TRIOBP: variants seen among roughly 807,000 people sequenced by gnomAD.
The protein encoded by TRIOBP is TRIO and F-actin-binding protein.
TRIOBP carries 169 observed loss-of-function variants against 238.8 expected under a neutral mutation model. The ratio of observed to expected loss-of-function variants is 0.71; its 90% CI spans 0.62 to 0.80. The LOEUF (loss-of-function observed/expected upper bound fraction) is 0.80, where lower values mean the gene tolerates loss of function less well. Ranked by LOEUF, TRIOBP falls within the 30% of genes least tolerant of loss-of-function variation. TRIOBP has a pLI of 0.00. For synonymous variants in TRIOBP, 1,150 were observed against 1,274.4 expected (o/e 0.90, Z 2.08); for missense variants, 2,838 against 3,122.6 (o/e 0.91, Z 2.17).
Position 37,723,159 on chromosome 22 carries a change from C to T in TRIOBP, c.629-26C>T, listed in dbSNP as rs142133988. On this transcript the variant is annotated intron_variant, in intron 6 of 23. Transcript: ENST00000644935. ...GAGCTGCCTGGACCTCTCCCCTTACCTTGAGCCCCTCTCTTCTCTCTCCAG... is the reference window on the plus strand; with the variant it reads ...GAGCTGCCTGGACCTCTCCCCTTACTTTGAGCCCCTCTCTTCTCTCTCCAG... The T allele has an allele frequency of 6.6e-4, 1,064 of 1,612,988 alleles. 9 individuals carry two copies. In the East Asian group the frequency reaches 0.021, roughly 32 times the overall value.
At chr22:37,710,165 A>G (rs1459782660) in intron 3 of TRIOBP, among the ~76,000 whole-genome samples, 1 of 152,252 alleles carries the variant, frequency 6.6e-6, no homozygotes, top group African/African-American at 2.4e-5. Context: ...TGTGCCCCCA[A>G]TACCAGGCCT....
intron 22 of TRIOBP, chr22:37,771,989 T>G (rs971939173): frequency 3.0e-5 from 17 of 575,402 alleles, no homozygotes; most frequent in Non-Finnish European, 5.5e-5. Flanking sequence ...TGATTATTAT[T>G]GAGCACCTAC....
At chr22:37,698,186 C>A (rs1308825145) in intron 2 of TRIOBP, among the ~76,000 whole-genome samples, 4 of 122,002 alleles carry the variant, frequency 3.3e-5, no homozygotes, top group South Asian at 2.9e-4. Context: ...GGTGATAGAC[C>A]GAGATTCTGT....
Position 37,775,463 on chromosome 22 carries a change from A to C in TRIOBP, c.*1683A>C, listed in dbSNP as rs898842065. The C allele has an allele frequency of 5.3e-5, 8 of 152,212 alleles. No individual in the cohort carries two copies. The highest frequency in any genetic ancestry group is 1.9e-4 in the African/African-American group (8 of 41,438). 9.4% of individuals were successfully genotyped at this position (152,212 alleles called of 1,614,324 possible). ...TCTTGGGAGTGGGGTGGAGGAGGTCATCTGGGAAGGGTGTCCTTGGTCTTA... is the reference window on the plus strand; with the variant it reads ...TCTTGGGAGTGGGGTGGAGGAGGTCCTCTGGGAAGGGTGTCCTTGGTCTTA... On this transcript the variant is annotated 3_prime_UTR_variant, in exon 24 of 24. Transcript: ENST00000644935.
At chr22:37,699,344 C>T (rs1450242268) in intron 2 of TRIOBP, among the ~76,000 whole-genome samples, 1 of 151,996 alleles carries the variant, frequency 6.6e-6, no homozygotes, top group Non-Finnish European at 1.5e-5. Context: ...CAGTATGATC[C>T]AGTGCTCCTC....
chr22:37,757,957 G>A lies in TRIOBP; in HGVS notation c.6032G>A (p.Gly2011Asp). ...GGTGAGGGGCCGCGCCGGGGCCTGGGTGCCCCCCTGACTGAGGACCAGCAA... is the reference window on the plus strand; with the variant it reads ...GGTGAGGGGCCGCGCCGGGGCCTGGATGCCCCCCTGACTGAGGACCAGCAA... ...PAGEGPRRGL[G>D]APLTEDQQNR... is the part of the protein sequence containing the mutation. Residue 2011 changes from glycine (G) to aspartate (D), a missense_variant, in exon 16 of 24, where the codon GGT becomes GAT. Transcript: ENST00000644935. 6.4e-7 allele frequency: 1 copy of A among 1,568,242 alleles called. No homozygotes were observed. Among genetic ancestry groups the A allele is most frequent in the Non-Finnish European group, 8.6e-7 (1 of 1,157,440 alleles).
At chr22:37,706,546 T>C (rs1301990557) in intron 3 of TRIOBP, among the ~76,000 whole-genome samples, 3 of 152,062 alleles carry the variant, frequency 2.0e-5, no homozygotes, top group Admixed American at 6.6e-5. Context: ...ATCACAGCAC[T>C]TTAGGAGGCT....
intron 19 of TRIOBP, 73 bp downstream of exon 19, chr22:37,768,249 C>A (rs1926599410): frequency 1.6e-6 from 2 of 1,248,024 alleles, no homozygotes; most frequent in Admixed American, 3.9e-5. Context: ...GGCCCCTTGG[C>A]AGCGGACACA....
At chr22:37,704,399 GAACA>G (rs1569031497) in intron 3 of TRIOBP, among the ~76,000 whole-genome samples, 60 of 16,516 alleles carry the variant, frequency 3.6e-3, no homozygotes, top group Non-Finnish European at 3.1e-3. Flanking sequence ...GAACAGAACA[GAACA>G]GAACAGAACA....
At chr22:37,721,024 A>ATTTTTTT (rs11312598) in intron 6 of TRIOBP, among the ~76,000 whole-genome samples, 2 of 133,334 alleles carry the variant, frequency 1.5e-5, no homozygotes. Flanking sequence ...CATCCGGCTA[A>ATTTTTTT]TTTTTTTTTT....
intron 15 of TRIOBP, 144 bp downstream of exon 15, chr22:37,755,803 C>G: frequency 1.4e-6 from 1 of 733,998 alleles, no homozygotes; most frequent in Non-Finnish European, 2.5e-6. Context: ...AGTGAGCATT[C>G]TCGGTATCAT....
At chr22:37,759,676 G>C in intron 17 of TRIOBP, 1 of 1,521,728 alleles carries the variant, frequency 6.6e-7, no homozygotes, top group East Asian at 2.5e-5. Context: ...ACTGGGCCAA[G>C]GCCCCACACA....
At position 37,726,516 on chromosome 22, in the gene TRIOBP, G is replaced by GTGGGGTCAGCCAGGTGGGC; in HGVS notation, c.3947+19_3947+37dup. The GTGGGGTCAGCCAGGTGGGC allele has an allele frequency of 6.8e-7, 1 of 1,472,702 alleles. No individual in the cohort carries two copies. The highest frequency in any genetic ancestry group is 8.9e-7 in the Non-Finnish European group (1 of 1,117,986). The allele number at this position is 1,472,702 out of a possible 1,614,324, so 91.2% of individuals were successfully genotyped here. The stretch of plus-strand genomic sequence containing the variant: ...GGCAAGAGCGCAGGTGAGCCCGGGG[G>GTGGGGTCAGCCAGGTGGGC]TGGGGTCAGCCAGGTGGGCTGGGGA... On this transcript the variant is annotated intron_variant, in intron 7 of 23. Transcript: ENST00000644935.
intron 23 of TRIOBP, 61 bp downstream of exon 23, chr22:37,772,825 G>A: frequency 6.3e-7 from 1 of 1,584,270 alleles, no homozygotes; most frequent in Non-Finnish European, 8.6e-7. Context: ...CCACACCCGG[G>A]ACTCCCTGGA....
chr22:37,748,578 T>TA (rs1369646587), intron 11 of TRIOBP, among the ~76,000 whole-genome samples: 6 of 12,138 alleles, frequency 4.9e-4, no homozygotes, highest in Non-Finnish European at 9.0e-4. Flanking sequence ...CCTGATAACT[T>TA]TAAAAAAAAA....
chr22:37,772,914 GGTT>G (rs1201005838), intron 23 of TRIOBP, 150 bp downstream of exon 23: 2 of 996,228 alleles, frequency 2.0e-6, no homozygotes, highest in Non-Finnish European at 1.5e-6. Flanking sequence ...AGCAACACGG[GGTT>G]GTTGCAGAGA....
At position 37,755,576 on chromosome 22, in the gene TRIOBP, G is replaced by A. The variant is rs759173649; in HGVS notation, c.5604G>A (p.Ser1868=). 9.3e-6 allele frequency: 15 copies of A among 1,613,884 alleles called. No individual in the cohort carries two copies. In the East Asian group the frequency reaches 1.6e-4, roughly 17 times the overall value. The change falls in exon 15 of 24, where the codon TCG becomes TCA. Residue 1868 remains serine (S), a synonymous_variant. Coordinates refer to ENST00000644935, the MANE Select transcript of TRIOBP (RefSeq NM_001039141.3). ...CCAAGGATGCTGTCTATACCTTGTC[G>A]GCCATGACCTCAGGCATCCGGCGGA... The part of the protein sequence containing the change: ...IHTKDAVYTL[S]AMTSGIRRNW...
intron 6 of TRIOBP, among the ~76,000 whole-genome samples, chr22:37,719,069 G>A (rs1345595952): frequency 6.6e-6 from 1 of 150,932 alleles, no homozygotes; most frequent in Non-Finnish European, 1.5e-5. Flanking sequence ...GATGGGATCC[G>A]GGACACGCCT....
intron 3 of TRIOBP, 38 bp downstream of exon 3, chr22:37,701,517 T>C (rs769814387): frequency 6.9e-7 from 1 of 1,456,450 alleles, no homozygotes; most frequent in South Asian, 1.2e-5. Context: ...TGGTTTGTGA[T>C]GGGGGCATGG....
Sources: gnomAD v4.1 joint callset for allele counts (sites outside exome capture counted in the v4.1 genomes callset) on GRCh38, gnomAD v4.1.1 for gene constraint, MANE v1.5 for transcripts, NCBI Gene and HGNC (gene_info 2026-07-23, HGNC 2026-07-21) for gene names.